The following CALN1 variants were observed in gnomAD, a reference collection of about 807,000 sequenced individuals.
The protein encoded by CALN1 is calcium-binding protein 8.
Under a neutral mutation model 30.6 loss-of-function variants are expected in CALN1, and 17 were observed. That is an observed-to-expected ratio of 0.56 (90% CI 0.38 to 0.83). CALN1 has a LOEUF of 0.83. CALN1 is among the 40% of genes least tolerant of loss of function. The pLI, the probability that CALN1 is intolerant of heterozygous loss-of-function variation, is 0.00. For missense variants in CALN1, 291 were observed against 354.9 expected (o/e 0.82, Z 1.45); for synonymous variants, 156 against 131.4 (o/e 1.19, Z -1.28).
intron 3 of CALN1, among the ~76,000 whole-genome samples, chr7:72,267,034 T>G (rs1796641885): frequency 6.6e-6 from 1 of 152,192 alleles, no homozygotes; most frequent in South Asian, 2.1e-4. Flanking sequence ...GCTCATTCAT[T>G]GCGTAGGTTT....
chr7:72,437,567 C>A (rs1299585979), intron 1 of CALN1, among the ~76,000 whole-genome samples: 1 of 146,036 alleles, frequency 6.8e-6, no homozygotes, highest in Non-Finnish European at 1.5e-5. Context: ...GCAAATTTAT[C>A]TTTTTAGGTC....
intron 6 of CALN1, among the ~76,000 whole-genome samples, chr7:71,790,473 C>T (rs6977083): frequency 0.35 from 52,970 of 151,140 alleles, 9,605 homozygotes; most frequent in East Asian, 0.51. Context: ...GGATCCCAGG[C>T]ATTGCATTAC....
intron 1 of CALN1, among the ~76,000 whole-genome samples, chr7:72,420,449 C>T (rs757678170): frequency 6.6e-6 from 1 of 151,712 alleles, no homozygotes; most frequent in African/African-American, 2.4e-5. Context: ...GAATCTAGGG[C>T]TCCCCTTAAG....
In CALN1 at chr7:72,267,693, G is replaced by A. The variant is rs181057118; in HGVS notation, c.244+10993C>T. Among the ~76,000 whole-genome samples the A allele has an allele frequency of 4.5e-3, 682 of 152,282 alleles. 1 individual carries two copies. The highest frequency in any genetic ancestry group is 7.8e-3 in the Non-Finnish European group (533 of 68,024). On this transcript the variant is annotated intron_variant, in intron 3 of 6. Transcript: ENST00000395275. ...GTTATTTAACTTCTGGATTTTTCAC[G>A]TTTGCAAAAATGTAGTTAGTAACAG...
intron 3 of CALN1, among the ~76,000 whole-genome samples, chr7:72,162,612 G>C (rs964156709): frequency 6.6e-6 from 1 of 152,026 alleles, no homozygotes; most frequent in African/African-American, 2.4e-5. Context: ...GGTGGTGCAT[G>C]CCTGTAATCC....
chr7:71,808,572 A>C (rs1482118034), intron 6 of CALN1, among the ~76,000 whole-genome samples: 2 of 152,128 alleles, frequency 1.3e-5, no homozygotes, highest in Non-Finnish European at 2.9e-5. Flanking sequence ...TCAGGCATTT[A>C]TTTTATTAAT....
chr7:71,831,863 C>CT (rs1789295817), intron 5 of CALN1, among the ~76,000 whole-genome samples: 1 of 98,802 alleles, frequency 1.0e-5, no homozygotes, highest in African/African-American at 4.2e-5. Context: ...GGGAGTGAAA[C>CT]CCTGCCTCAA....
At chr7:71,975,045 C>A (rs991029719) in intron 5 of CALN1, among the ~76,000 whole-genome samples, 3 of 152,198 alleles carry the variant, frequency 2.0e-5, no homozygotes, top group African/African-American at 7.2e-5. Context: ...ACCCAACCAG[C>A]TGGGGCTTTC....
chr7:72,501,954 C>CACAA, the CALN1 span, among the ~76,000 whole-genome samples: 1 of 75,884 alleles, frequency 1.3e-5, no homozygotes, highest in Non-Finnish European at 2.4e-5. Flanking sequence ...TATATACACA[C>CACAA]ATATATATAT....
At chr7:72,046,091 T>C (rs908651701) in intron 4 of CALN1, among the ~76,000 whole-genome samples, 10 of 150,702 alleles carry the variant, frequency 6.6e-5, no homozygotes, top group Admixed American at 2.0e-4. Flanking sequence ...GGCAGGAGAA[T>C]TGCTTGAGCC....
rs191992780 is a variant in CALN1 at position 71,784,597 on chromosome 7, C to T, written c.*3178G>A. 7.9e-6 allele frequency: 3 copies of T among 381,702 alleles called. No individual in the cohort carries two copies. Among genetic ancestry groups the T allele is most frequent in the African/African-American group, 6.3e-5 (3 of 47,834 alleles). The allele number at this position is 381,702 out of a possible 1,614,324, so 23.6% of individuals were successfully genotyped here. A position where few individuals can be genotyped will look rare whatever the true frequency, so the allele number is the denominator to read the frequency against. On this transcript the variant is annotated 3_prime_UTR_variant, in exon 7 of 7. Coordinates refer to ENST00000395275, the MANE Select transcript of CALN1 (RefSeq NM_031468.4). ...TCAGGGTCCATTTCCCCTTCTCTCCCAAGGAAAATGCCTTCTTGCTCATCA... is the reference window on the plus strand; with the variant it reads ...TCAGGGTCCATTTCCCCTTCTCTCCTAAGGAAAATGCCTTCTTGCTCATCA...
At chr7:71,963,232 G>C (rs1399369677) in intron 5 of CALN1, among the ~76,000 whole-genome samples, 1 of 151,996 alleles carries the variant, frequency 6.6e-6, no homozygotes, top group Non-Finnish European at 1.5e-5. Context: ...GCGCGATCTC[G>C]GCTCACTGCA....
At chr7:71,845,121 C>T (rs1307916800) in intron 5 of CALN1, among the ~76,000 whole-genome samples, 3 of 152,006 alleles carry the variant, frequency 2.0e-5, no homozygotes, top group Non-Finnish European at 4.4e-5. Context: ...TGACCTCAAG[C>T]GATCCTCCTG....
At chr7:72,395,408 GGAAAAACTGA>G (rs1280091444) in intron 2 of CALN1, among the ~76,000 whole-genome samples, 2 of 151,924 alleles carry the variant, frequency 1.3e-5, no homozygotes, top group Non-Finnish European at 2.9e-5. Context: ...AACTGTATTT[GGAAAAACTGA>G]GATAAATGAA....
chr7:72,458,235 CTATATTA>C, the CALN1 span, among the ~76,000 whole-genome samples: 4 of 81,114 alleles, frequency 4.9e-5, no homozygotes, highest in African/African-American at 1.4e-4. Context: ...ATAATATATT[CTATATTA>C]TATAATATAT....
chr7:72,100,165 T>G (rs201531221), intron 4 of CALN1, among the ~76,000 whole-genome samples: 52 of 10,588 alleles, frequency 4.9e-3, no homozygotes, highest in African/African-American at 0.031. Context: ...AGTTTTTTTG[T>G]TTTTTTTTTA....
chr7:72,342,258 C>CAAA (rs35193419), intron 2 of CALN1, among the ~76,000 whole-genome samples: 58 of 126,626 alleles, frequency 4.6e-4, no homozygotes, highest in African/African-American at 1.3e-3. Flanking sequence ...GACTTTGTCT[C>CAAA]AAAAAAAAAA....
chr7:71,952,639 T>C (rs1276300337), intron 5 of CALN1, among the ~76,000 whole-genome samples: 2 of 152,106 alleles, frequency 1.3e-5, no homozygotes, highest in Non-Finnish European at 2.9e-5. Context: ...CCAAGAAAGC[T>C]AGTGTAGATC....
chr7:71,817,776 A>G (rs919499799), intron 5 of CALN1, among the ~76,000 whole-genome samples: 4 of 152,136 alleles, frequency 2.6e-5, no homozygotes, highest in Non-Finnish European at 4.4e-5. Context: ...GGCCTCCCAA[A>G]GAGCTGGGAT....
Sources: gnomAD v4.1 joint callset for allele counts (sites outside exome capture counted in the v4.1 genomes callset) on GRCh38, gnomAD v4.1.1 for gene constraint, MANE v1.5 for transcripts, NCBI Gene and HGNC (gene_info 2026-07-23, HGNC 2026-07-21) for gene names.